PPM1H: variants seen among roughly 807,000 people sequenced by gnomAD.
PPM1H encodes the protein protein phosphatase 1H.
PPM1H carries 27 observed loss-of-function variants against 54.9 expected under a neutral mutation model. The observed-to-expected ratio is 0.49, with a 90% CI of 0.36 to 0.68. The LOEUF is 0.68. Among genes scored for constraint, PPM1H ranks in the 30% least tolerant of loss-of-function variants. The pLI is 0.00. For missense variants in PPM1H, 596 were observed against 667.8 expected (o/e 0.89, Z 1.19); for synonymous variants, 305 against 270.8 (o/e 1.13, Z -1.24).
rs77684258 is a variant in PPM1H, at chr12:62,860,631, T to C, written c.246-28352A>G. Reference sequence around the variant, plus strand: ...GTCCAAGGTCATATGGTGATAACCCTGATTATGACGTACTGAATCCCTGAC... The same window carrying C: ...GTCCAAGGTCATATGGTGATAACCCCGATTATGACGTACTGAATCCCTGAC... On this transcript the variant is annotated intron_variant, in intron 1 of 9. Transcript: ENST00000228705. Among the ~76,000 whole-genome samples the C allele has an allele frequency of 2.1e-3, 318 of 152,310 alleles. 3 individuals are homozygous for C. The highest frequency in any genetic ancestry group is 7.3e-3 in the African/African-American group (302 of 41,562).
chr12:62,704,001 T>A (rs989928060), intron 6 of PPM1H, among the ~76,000 whole-genome samples: 24 of 151,804 alleles, frequency 1.6e-4, no homozygotes, highest in Admixed American at 4.6e-4. Context: ...TGTGTGTGTG[T>A]GTGTGTGTGT....
intron 4 of PPM1H, among the ~76,000 whole-genome samples, chr12:62,743,352 C>CA (rs1156297214): frequency 6.6e-6 from 1 of 151,954 alleles, no homozygotes; most frequent in Non-Finnish European, 1.5e-5. Flanking sequence ...GACCCTGTCT[C>CA]AAAAACAAAA....
At position 62,756,479 on chromosome 12, in the gene PPM1H, TCA is replaced by T. The variant is rs200222433; in HGVS notation, c.870-18895_870-18894del. ...TAAGTAACATATACTGCATATGTAATCACAGTTTTTTTAAACAAATGTTTCAT... is the reference window on the plus strand; with the variant it reads ...TAAGTAACATATACTGCATATGTAATCAGTTTTTTTAAACAAATGTTTCAT... On this transcript the variant is annotated intron_variant, in intron 4 of 9. Transcript: ENST00000228705. 8.5e-3 allele frequency among the ~76,000 whole-genome samples: 1,287 copies of T among 152,080 alleles called. 12 individuals are homozygous for T. Among genetic ancestry groups the T allele is most frequent in the Non-Finnish European group, 0.014 (924 of 67,988 alleles).
intron 4 of PPM1H, among the ~76,000 whole-genome samples, chr12:62,782,612 C>T (rs373007054): frequency 4.7e-4 from 71 of 152,190 alleles, no homozygotes; most frequent in African/African-American, 1.5e-3. Context: ...ACTTTCCCTA[C>T]CCTTTCCTAG....
intron 4 of PPM1H, among the ~76,000 whole-genome samples, chr12:62,738,083 A>G (rs971963044): frequency 3.9e-5 from 6 of 152,184 alleles, no homozygotes; most frequent in African/African-American, 1.4e-4. Flanking sequence ...ATTGAAGTTT[A>G]ATGAACTTAG....
intron 9 of PPM1H, 96 bp from the exon 10 acceptor site, chr12:62,648,732 T>TA: frequency 7.5e-7 from 1 of 1,338,206 alleles, no homozygotes; most frequent in Non-Finnish European, 1.0e-6. Flanking sequence ...ACTACAGTTG[T>TA]ATAAATAAGT....
chr12:62,840,485 A>G (rs10506451), intron 1 of PPM1H, among the ~76,000 whole-genome samples: 84,371 of 152,032 alleles, frequency 0.55, 26,797 homozygotes, highest in Non-Finnish European at 0.7. Flanking sequence ...TGCCATACTC[A>G]AGGCCTATGT....
At chr12:62,847,458 T>A (rs1336795932) in intron 1 of PPM1H, among the ~76,000 whole-genome samples, 1 of 152,210 alleles carries the variant, frequency 6.6e-6, no homozygotes, top group African/African-American at 2.4e-5. Context: ...TCTCAGAGAT[T>A]AGCATAGTGC....
chr12:62,740,316 T>G (rs536856337), intron 4 of PPM1H, among the ~76,000 whole-genome samples: 1 of 152,208 alleles, frequency 6.6e-6, no homozygotes, highest in Admixed American at 6.5e-5. Flanking sequence ...CCCTTGGGCA[T>G]GCCATCATTC....
chr12:62,650,503 A>G (rs2075809699), intron 9 of PPM1H, among the ~76,000 whole-genome samples: 1 of 152,204 alleles, frequency 6.6e-6, no homozygotes, highest in Admixed American at 6.5e-5. Context: ...ATATCTGAAA[A>G]TCGACATATT....
chr12:62,807,053 C>T (rs192892190), intron 2 of PPM1H, among the ~76,000 whole-genome samples: 2 of 152,204 alleles, frequency 1.3e-5, no homozygotes, highest in Non-Finnish European at 2.9e-5. Flanking sequence ...GCAGTAGCAA[C>T]AGCAGGTGCA....
At chr12:62,879,223 C>A (rs1870302984) in intron 1 of PPM1H, among the ~76,000 whole-genome samples, 1 of 152,180 alleles carries the variant, frequency 6.6e-6, no homozygotes, top group Admixed American at 6.5e-5. Context: ...TGTGGTGGAT[C>A]TTCTCTCCTC....
intron 4 of PPM1H, among the ~76,000 whole-genome samples, chr12:62,770,246 C>T (rs986195800): frequency 1.3e-5 from 2 of 152,112 alleles, no homozygotes; most frequent in East Asian, 1.9e-4. Flanking sequence ...ACATTTTACA[C>T]ACTTTGAATC....
At chr12:62,798,221 G>A (rs2076747525) in intron 3 of PPM1H, among the ~76,000 whole-genome samples, 1 of 152,170 alleles carries the variant, frequency 6.6e-6, no homozygotes, top group Non-Finnish European at 1.5e-5. Context: ...TGGGCCGGAG[G>A]GGAAAGAGGG....
intron 8 of PPM1H, 48 bp downstream of exon 8, chr12:62,689,651 C>A (rs149302305): frequency 2.7e-6 from 4 of 1,479,254 alleles, no homozygotes; most frequent in Non-Finnish European, 3.7e-6. Flanking sequence ...GGAATAACGC[C>A]GAAAATGTTT....
chr12:62,675,788 C>A (rs1023524010), intron 8 of PPM1H, among the ~76,000 whole-genome samples: 1 of 152,190 alleles, frequency 6.6e-6, no homozygotes, highest in African/African-American at 2.4e-5. Context: ...TCACAGGACT[C>A]TTCACCACAG....
At chr12:62,881,846 G>A (rs1245665094) in intron 1 of PPM1H, among the ~76,000 whole-genome samples, 1 of 151,956 alleles carries the variant, frequency 6.6e-6, no homozygotes, top group Non-Finnish European at 1.5e-5. Context: ...ACCTACACTG[G>A]TCTCCCTGCC....
At chr12:62,867,834 A>C (rs1438172672) in intron 1 of PPM1H, among the ~76,000 whole-genome samples, 2 of 151,916 alleles carry the variant, frequency 1.3e-5, no homozygotes, top group African/African-American at 4.8e-5. Flanking sequence ...TCCAGCAAAG[A>C]AAGCAAATGT....
chr12:62,682,499 C>CA (rs1268345861), intron 8 of PPM1H, among the ~76,000 whole-genome samples: 2 of 151,994 alleles, frequency 1.3e-5, no homozygotes, highest in Non-Finnish European at 2.9e-5. Context: ...GGGGGAATCC[C>CA]AAAAAAAGTA....
Sources: gnomAD v4.1 joint callset for allele counts (sites outside exome capture counted in the v4.1 genomes callset) on GRCh38, gnomAD v4.1.1 for gene constraint, MANE v1.5 for transcripts, NCBI Gene and HGNC (gene_info 2026-07-23, HGNC 2026-07-21) for gene names.